The following DNM3 variants were observed in gnomAD, a reference collection of about 807,000 sequenced individuals.
DNM3 encodes dynamin-3.
In DNM3, 47 loss-of-function variants were observed where a neutral mutation model predicts 101.6. The ratio of observed to expected loss-of-function variants is 0.46; its 90% CI spans 0.37 to 0.59. The LOEUF is 0.59. Ranked by LOEUF, DNM3 falls within the 20% of genes least tolerant of loss-of-function variation. The pLI is 0.00. For synonymous variants in DNM3, 385 were observed against 387.9 expected (o/e 0.99, Z 0.09); for missense variants, 849 against 1,085.7 (o/e 0.78, Z 3.06).
chr1:172,225,098 T>TTCTTTGGTG (rs1321398086), intron 14 of DNM3, among the ~76,000 whole-genome samples: 2 of 151,912 alleles, frequency 1.3e-5, no homozygotes, highest in African/African-American at 4.8e-5. Flanking sequence ...CTTTGCTATT[T>TTCTTTGGTG]TCTTTGGTGG....
chr1:171,998,760 G>A (rs940417562), intron 4 of DNM3, among the ~76,000 whole-genome samples: 7 of 152,086 alleles, frequency 4.6e-5, no homozygotes, highest in African/African-American at 4.8e-5. Flanking sequence ...TTAGACAGAC[G>A]GCCTAAGGAG....
chr1:171,903,263 C>T (rs970993250), intron 1 of DNM3, among the ~76,000 whole-genome samples: 5 of 152,060 alleles, frequency 3.3e-5, no homozygotes, highest in Non-Finnish European at 7.4e-5. Context: ...ATAAAAGTGT[C>T]ATTCTTAAAA....
intron 1 of DNM3, among the ~76,000 whole-genome samples, chr1:171,888,193 T>C (rs898601662): frequency 1.3e-5 from 2 of 152,106 alleles, no homozygotes; most frequent in Admixed American, 1.3e-4. Context: ...AATCATTTGC[T>C]TGTGAAGTGT....
chr1:172,306,562 G>A (rs545662269), intron 15 of DNM3, among the ~76,000 whole-genome samples: 30 of 152,220 alleles, frequency 2.0e-4, no homozygotes, highest in East Asian at 5.8e-4. Flanking sequence ...AAAAGAGCCC[G>A]CATTGCCAAG....
intron 17 of DNM3, among the ~76,000 whole-genome samples, chr1:172,367,762 A>G (rs1471332376): frequency 6.6e-6 from 1 of 151,894 alleles, no homozygotes; most frequent in Non-Finnish European, 1.5e-5. Flanking sequence ...TATTCCATAC[A>G]AACAGAAACC....
intron 15 of DNM3, among the ~76,000 whole-genome samples, chr1:172,292,186 C>G (rs986562250): frequency 5.3e-5 from 8 of 152,042 alleles, no homozygotes; most frequent in African/African-American, 1.9e-4. Flanking sequence ...TAAGCAAGCT[C>G]TTCACATATA....
Position 172,081,826 on chromosome 1 carries a change from T to C in DNM3, c.1423-6T>C. 1 of 1,611,156 alleles carries C rather than the reference T, an allele frequency of 6.2e-7. No individual in the cohort carries two copies. Among genetic ancestry groups the C allele is most frequent in the Non-Finnish European group, 8.5e-7 (1 of 1,178,420 alleles). ...TTTCACTGAAGTGTTTCTCTTTGACTTATAGGTATTGCTATTGATTGACAT... is the reference window on the plus strand; with the variant it reads ...TTTCACTGAAGTGTTTCTCTTTGACCTATAGGTATTGCTATTGATTGACAT... On this transcript the variant is annotated splice_region_variant and splice_polypyrimidine_tract_variant and intron_variant, in intron 11 of 20. Transcript: ENST00000627582.
At chr1:172,241,805 C>A (rs1422528604) in intron 14 of DNM3, among the ~76,000 whole-genome samples, 1 of 152,140 alleles carries the variant, frequency 6.6e-6, no homozygotes, top group African/African-American at 2.4e-5. Flanking sequence ...TCATTTGACT[C>A]ATTTTTTGAA....
chr1:172,205,295 T>C (rs181571063), intron 14 of DNM3, among the ~76,000 whole-genome samples: 2 of 152,246 alleles, frequency 1.3e-5, no homozygotes, highest in Non-Finnish European at 2.9e-5. Context: ...GAACACACTA[T>C]ATTTCCCTGG....
At chr1:172,401,550 T>C (rs1369865406) in intron 20 of DNM3, among the ~76,000 whole-genome samples, 2 of 152,204 alleles carry the variant, frequency 1.3e-5, no homozygotes, top group African/African-American at 4.8e-5. Flanking sequence ...GATTCATATT[T>C]TCCCAATGAC....
chr1:172,038,731 A>G (rs539193617), intron 7 of DNM3, among the ~76,000 whole-genome samples: 1 of 152,320 alleles, frequency 6.6e-6, no homozygotes, highest in East Asian at 1.9e-4. Flanking sequence ...ACCATTAGGG[A>G]TGACCCAGCA....
At chr1:172,132,126 G>C (rs1033573835) in intron 14 of DNM3, among the ~76,000 whole-genome samples, 1 of 152,156 alleles carries the variant, frequency 6.6e-6, no homozygotes, top group Non-Finnish European at 1.5e-5. Context: ...GCAAAACTAT[G>C]TACAGGTGAG....
At chr1:171,941,630 T>A (rs2041823512) in intron 2 of DNM3, among the ~76,000 whole-genome samples, 1 of 152,214 alleles carries the variant, frequency 6.6e-6, no homozygotes, top group African/African-American at 2.4e-5. Flanking sequence ...TTTGTGTTCA[T>A]CCTAACAGGA....
chr1:171,922,861 C>T (rs2093183), intron 2 of DNM3, among the ~76,000 whole-genome samples: 50,516 of 152,088 alleles, frequency 0.33, 8,625 homozygotes, highest in East Asian at 0.47. Context: ...TCATCCATGT[C>T]GTAGCATGTA....
rs779725199 is a variant in DNM3, at chr1:172,387,281, T to C, written c.2207T>C (p.Ile736Thr). The C allele has an allele frequency of 1.9e-5, 31 of 1,613,752 alleles. No homozygotes were observed. Among genetic ancestry groups the C allele is most frequent in the Admixed American group, 5.0e-5 (3 of 59,984 alleles). ...YQALKEALGI[I>T]GDISTATVST... The stretch of plus-strand genomic sequence containing the variant: ...GCACTGAAAGAAGCCCTTGGGATAA[T>C]TGGGGACATCAGCACAGCCACCGTG... The change falls in exon 19 of 21, where the codon ATT (isoleucine) becomes ACT (threonine). Residue 736 changes from isoleucine (I) to threonine (T), a missense_variant. By Grantham distance (89) the Ile-to-Thr change is moderately conservative (BLOSUM62 -1). Coordinates refer to ENST00000627582, the MANE Select transcript of DNM3 (RefSeq NM_015569.5).
chr1:172,357,149 T>TA (rs2067494526), intron 17 of DNM3, among the ~76,000 whole-genome samples: 1 of 152,000 alleles, frequency 6.6e-6, no homozygotes, highest in South Asian at 2.1e-4. Context: ...GATCAAAATT[T>TA]AAAAATCACC....
intron 11 of DNM3, among the ~76,000 whole-genome samples, chr1:172,077,593 G>A (rs1371151997): frequency 1.3e-5 from 2 of 152,200 alleles, no homozygotes; most frequent in Admixed American, 6.5e-5. Context: ...TCAGGAGCAG[G>A]TTGTTCAGTT....
rs1553221090 is a variant in DNM3, at chr1:172,283,778, A to AAG, written c.1770-24949_1770-24948insGA. On this transcript the variant is annotated intron_variant, in intron 15 of 20. Coordinates refer to ENST00000627582, the MANE Select transcript of DNM3 (RefSeq NM_015569.5). ...CCATCTCAAAAAAAAAAAAAAAAAA[A>AAG]AAAAAGAAAGAAAGAAAGAAAACCA... Among the ~76,000 whole-genome samples the AAG allele has an allele frequency of 7.9e-5, 11 of 138,566 alleles. 1 individual carries two copies. Among genetic ancestry groups the AAG allele is most frequent in the African/African-American group, 1.6e-4 (6 of 36,782 alleles). The allele number at this position is 138,566 out of a possible 152,430, so 90.9% of individuals were successfully genotyped here. A position where few individuals can be genotyped will look rare whatever the true frequency, so the allele number is the denominator to read the frequency against.
At chr1:171,908,731 C>T (rs1340440513) in intron 1 of DNM3, among the ~76,000 whole-genome samples, 1 of 152,174 alleles carries the variant, frequency 6.6e-6, no homozygotes, top group African/African-American at 2.4e-5. Flanking sequence ...TTTCTTCGCA[C>T]TGAAAACATT....
Sources: allele counts gnomAD v4.1 joint callset (sites outside exome capture counted in the v4.1 genomes callset), GRCh38; gene constraint gnomAD v4.1.1; transcripts MANE v1.5; gene names NCBI Gene and HGNC (gene_info 2026-07-23, HGNC 2026-07-21).